The following DLGAP1 variants were observed in gnomAD, a reference collection of about 807,000 sequenced individuals.
DLGAP1 encodes the protein DLG associated protein 1, also known as disks large-associated protein 1.
In DLGAP1, 11 loss-of-function variants were observed where a neutral mutation model predicts 90.8. The ratio of observed to expected loss-of-function variants is 0.12; its 90% confidence interval spans 0.08 to 0.20. The LOEUF is 0.20. Among genes scored for constraint, DLGAP1 ranks in the 10% least tolerant of loss-of-function variants. The pLI is 1.00. For missense variants in DLGAP1, 1,050 were observed against 1,333.8 expected (o/e 0.79, Z 3.31); for synonymous variants, 558 against 540.7 (o/e 1.03, Z -0.44).
At position 3,729,698 on chromosome 18, in the gene DLGAP1, C is replaced by T. The variant is rs2062348551; in HGVS notation, c.1351-323G>A. On this transcript the variant is annotated intron_variant, in intron 6 of 12. Transcript: ENST00000315677. This position sits in a 1 kb window ranked among gnomAD's most constrained non-coding sequence, Gnocchi z 6.2. ...TGCTGGGATTACAGGCATGAGCTAC[C>T]ACCACCAGCCGTGATTACATTTTAA... Among the ~76,000 whole-genome samples the T allele has an allele frequency of 2.6e-5, 4 of 152,098 alleles. No individual in the cohort carries two copies. In the South Asian group the frequency reaches 6.2e-4, roughly 24 times the overall value.
intron 5 of DLGAP1, among the ~76,000 whole-genome samples, chr18:3,785,836 T>C (rs1022852240): frequency 1.3e-5 from 2 of 152,168 alleles, no homozygotes; most frequent in African/African-American, 4.8e-5. Context: ...AAACAGAGGA[T>C]TGAAAGGGAG....
chr18:3,626,303 A>T (rs1216015967), intron 7 of DLGAP1, among the ~76,000 whole-genome samples: 1 of 151,818 alleles, frequency 6.6e-6, no homozygotes, highest in Non-Finnish European at 1.5e-5. Context: ...AAAAGAAAAA[A>T]AAAAAAAAGA....
intron 1 of DLGAP1, among the ~76,000 whole-genome samples, chr18:4,256,329 G>C (rs1419003867): frequency 3.3e-5 from 5 of 152,176 alleles, no homozygotes; most frequent in African/African-American, 9.7e-5. Context: ...GAGCCCAGGA[G>C]GTCGAGGTTA....
chr18:3,507,734 A>AG (rs2050316025), intron 11 of DLGAP1, among the ~76,000 whole-genome samples: 3 of 107,064 alleles, frequency 2.8e-5, no homozygotes, highest in Non-Finnish European at 5.6e-5. Flanking sequence ...CTATTCTTGA[A>AG]GGTTTTTTTT....
rs967199192 is a variant in DLGAP1, at chr18:4,084,326, A to G, written c.-159+66854T>C. ...TTCCTTATAGGAAAAATGATTGTTT[A>G]CCATAACTCATTTAACAATCTTTCC... On this transcript the variant is annotated intron_variant, in intron 2 of 12. Transcript: ENST00000315677. The surrounding 1 kb of genome is among the most constrained non-coding windows in gnomAD (Gnocchi z 4.0). Among the ~76,000 whole-genome samples, 1 of 152,186 alleles carries G rather than the reference A, an allele frequency of 6.6e-6. No individual in the cohort carries two copies.
chr18:4,358,234 A>C (rs1463670576), intron 1 of DLGAP1, among the ~76,000 whole-genome samples: 1 of 152,264 alleles, frequency 6.6e-6, no homozygotes, highest in African/African-American at 2.4e-5. Flanking sequence ...ACAATTTCAG[A>C]TAATGATTAG....
rs369470308 is a variant in DLGAP1 at position 4,103,916 on chromosome 18, G to T, written c.-159+47264C>A. Reference sequence around the variant, plus strand: ...ATGGCACTTTGTCCACATTTTTAATGCTTTAGAGTCATTCTTATAATTTTA... The same window carrying T: ...ATGGCACTTTGTCCACATTTTTAATTCTTTAGAGTCATTCTTATAATTTTA... On this transcript the variant is annotated intron_variant, in intron 2 of 12. Transcript: ENST00000315677. 7.4e-4 allele frequency among the ~76,000 whole-genome samples: 113 copies of T among 152,154 alleles called. 4 individuals are homozygous for T. The South Asian group carries it at 0.015, about 20-fold the overall frequency.
intron 7 of DLGAP1, among the ~76,000 whole-genome samples, chr18:3,686,919 C>T (rs146459744): frequency 1.7e-3 from 264 of 152,178 alleles, no homozygotes; most frequent in African/African-American, 5.8e-3. Flanking sequence ...TGAGATTATC[C>T]CGGATTATTA....
chr18:4,277,216 T>C (rs2079437095), intron 1 of DLGAP1, among the ~76,000 whole-genome samples: 2 of 152,222 alleles, frequency 1.3e-5, no homozygotes, highest in Admixed American at 1.3e-4. Context: ...AGGATGCCCT[T>C]GTGATCTAAT....
intron 1 of DLGAP1, among the ~76,000 whole-genome samples, chr18:4,335,246 C>T (rs969248043): frequency 1.3e-5 from 2 of 151,908 alleles, no homozygotes; most frequent in Non-Finnish European, 2.9e-5. Flanking sequence ...TCAAAGCCAT[C>T]CCGAAGAATG....
chr18:4,084,343 A>C lies in DLGAP1; in HGVS notation c.-159+66837T>G, dbSNP rs1237852261. ...GATTGTTTACCATAACTCATTTAAC[A>C]ATCTTTCCATTGTTAAAAATTTAGA... On this transcript the variant is annotated intron_variant, in intron 2 of 12. Coordinates refer to ENST00000315677, the MANE Select transcript of DLGAP1 (RefSeq NM_004746.4). The surrounding 1 kb of genome is among the most constrained non-coding windows in gnomAD (Gnocchi z 4.0). 6.6e-6 allele frequency among the ~76,000 whole-genome samples: 1 copy of C among 152,210 alleles called. No individual in the cohort carries two copies. The highest frequency in any genetic ancestry group is 1.5e-5 in the Non-Finnish European group (1 of 68,036).
chr18:3,676,853 C>T (rs935147498), intron 7 of DLGAP1, among the ~76,000 whole-genome samples: 3 of 152,130 alleles, frequency 2.0e-5, no homozygotes, highest in Non-Finnish European at 4.4e-5. Flanking sequence ...CTCCTATCTG[C>T]GTTTCCAATC....
intron 2 of DLGAP1, among the ~76,000 whole-genome samples, chr18:4,125,850 A>T (rs908938690): frequency 1.3e-5 from 2 of 152,142 alleles, no homozygotes; most frequent in South Asian, 4.1e-4. Flanking sequence ...TTTGTCCTAA[A>T]ATTAGAGCAG....
chr18:4,008,357 A>G (rs1252520970), intron 2 of DLGAP1, among the ~76,000 whole-genome samples: 1 of 152,176 alleles, frequency 6.6e-6, no homozygotes, highest in Non-Finnish European at 1.5e-5. Context: ...ACATCTAGTT[A>G]TATTTTTTCA....
intron 1 of DLGAP1, among the ~76,000 whole-genome samples, chr18:4,225,988 T>A (rs1400873310): frequency 1.3e-5 from 2 of 152,000 alleles, no homozygotes; most frequent in Non-Finnish European, 1.5e-5. Context: ...GACTACAAAA[T>A]ATTTAATAAT....
chr18:4,077,922 G>C, intron 2 of DLGAP1, among the ~76,000 whole-genome samples: 1 of 152,160 alleles, frequency 6.6e-6, no homozygotes, highest in East Asian at 1.9e-4. Context: ...CATAGAAAGT[G>C]CCAGTTTGCT....
intron 2 of DLGAP1, among the ~76,000 whole-genome samples, chr18:4,017,163 G>A (rs192953445): frequency 2.6e-5 from 4 of 152,124 alleles, no homozygotes; most frequent in Non-Finnish European, 5.9e-5. Flanking sequence ...TTAAAAGCAG[G>A]CCTGTGCAGA....
intron 1 of DLGAP1, among the ~76,000 whole-genome samples, chr18:4,256,323 C>T (rs890980070): frequency 2.0e-5 from 3 of 152,120 alleles, no homozygotes; most frequent in African/African-American, 7.2e-5. Context: ...TTGCTTGAGC[C>T]CAGGAGGTCG....
chr18:4,007,301 G>A (rs1171762227), intron 2 of DLGAP1, among the ~76,000 whole-genome samples: 2 of 152,016 alleles, frequency 1.3e-5, no homozygotes, highest in Non-Finnish European at 2.9e-5. Flanking sequence ...GACCCTTAAG[G>A]GAGCATTTGA....
Sources: gnomAD v4.1 joint callset for allele counts (sites outside exome capture counted in the v4.1 genomes callset) on GRCh38, gnomAD v4.1.1 for gene constraint, Gnocchi (gnomAD v3.1) non-coding constraint, MANE v1.5 for transcripts, NCBI Gene and HGNC (gene_info 2026-07-23, HGNC 2026-07-21) for gene names.